FSHR: variants seen among roughly 807,000 people sequenced by gnomAD.
The protein encoded by FSHR is follicle stimulating hormone receptor.
A neutral mutation model predicts 52.1 loss-of-function variants in FSHR; 46 were observed. The observed-to-expected ratio is 0.88, with a 90% CI of 0.70 to 1.13. FSHR has a LOEUF of 1.13. FSHR is among the 50% of genes most tolerant of loss of function. FSHR has a pLI of 0.00. For synonymous variants in FSHR, 399 were observed against 309.6 expected (o/e 1.29, Z -3.03); for missense variants, 964 against 834.6 (o/e 1.16, Z -1.91).
chr2:49,081,716 G>A (rs1390285641), intron 1 of FSHR, among the ~76,000 whole-genome samples: 2 of 152,078 alleles, frequency 1.3e-5, no homozygotes, highest in Non-Finnish European at 2.9e-5. Context: ...CATGATAAAT[G>A]GGGTGGGTGG....
chr2:49,011,298 T>C (rs537009647), intron 4 of FSHR, among the ~76,000 whole-genome samples: 2 of 152,194 alleles, frequency 1.3e-5, no homozygotes, highest in South Asian at 4.2e-4. Context: ...CCACTAGTCA[T>C]TCAGGAGCAG....
intron 2 of FSHR, among the ~76,000 whole-genome samples, chr2:49,064,061 T>TG (rs1669414592): frequency 2.3e-5 from 3 of 129,574 alleles, no homozygotes; most frequent in East Asian, 4.6e-4. Context: ...GCATGAAGAG[T>TG]TTGTGTGTGT....
intron 1 of FSHR, among the ~76,000 whole-genome samples, chr2:49,091,507 G>T (rs1028819537): frequency 6.6e-6 from 1 of 152,094 alleles, no homozygotes; most frequent in Non-Finnish European, 1.5e-5. Flanking sequence ...ATGTTGCCCA[G>T]TCTGGTCTTC....
intron 4 of FSHR, among the ~76,000 whole-genome samples, chr2:49,004,468 T>C (rs896549047): frequency 2.6e-5 from 4 of 152,164 alleles, no homozygotes; most frequent in African/African-American, 9.6e-5. Flanking sequence ...GGGCCCCTCG[T>C]GTGGGGCCTG....
At chr2:49,110,334 T>C (rs1671379367) in intron 1 of FSHR, among the ~76,000 whole-genome samples, 1 of 152,192 alleles carries the variant, frequency 6.6e-6, no homozygotes, top group South Asian at 2.1e-4. Context: ...GATTTAAACA[T>C]GGGCTGTCTG....
chr2:49,123,552 A>G (rs923891436), intron 1 of FSHR, among the ~76,000 whole-genome samples: 1 of 152,222 alleles, frequency 6.6e-6, no homozygotes, highest in African/African-American at 2.4e-5. Flanking sequence ...GGTGATGAAT[A>G]TGTTAATTAG....
chr2:49,026,511 C>T (rs1267634062), intron 2 of FSHR, among the ~76,000 whole-genome samples: 3 of 152,196 alleles, frequency 2.0e-5, no homozygotes, highest in African/African-American at 7.2e-5. Context: ...ATTTCCCCAA[C>T]AGCACACATA....
At chr2:49,075,467 A>C (rs1669916417) in intron 1 of FSHR, among the ~76,000 whole-genome samples, 2 of 152,190 alleles carry the variant, frequency 1.3e-5, no homozygotes, top group Non-Finnish European at 2.9e-5. Flanking sequence ...GCAAAAGCTA[A>C]TTCTTTGGAA....
At chr2:49,085,936 G>A (rs1209938631) in intron 1 of FSHR, among the ~76,000 whole-genome samples, 1 of 151,290 alleles carries the variant, frequency 6.6e-6, no homozygotes, top group East Asian at 1.9e-4. Context: ...GACACAGGGA[G>A]GGGAACATCA....
chr2:49,094,594 C>A (rs1670750839), intron 1 of FSHR, among the ~76,000 whole-genome samples: 1 of 152,038 alleles, frequency 6.6e-6, no homozygotes, highest in African/African-American at 2.4e-5. Flanking sequence ...AATATCTTTT[C>A]ATTTAGAACT....
chr2:48,986,479 A>T (rs1328162979), intron 6 of FSHR, among the ~76,000 whole-genome samples: 1 of 149,998 alleles, frequency 6.7e-6, no homozygotes, highest in Admixed American at 6.7e-5. Context: ...ACTAGAAACG[A>T]TTGGAGACTT....
intron 8 of FSHR, among the ~76,000 whole-genome samples, chr2:48,980,145 AC>A (rs1675181615): frequency 6.6e-6 from 1 of 152,232 alleles, no homozygotes; most frequent in African/African-American, 2.4e-5. Context: ...GTTAAGGTGA[AC>A]AATTCTTTTG....
chr2:48,993,141 A>G (rs548893213), intron 4 of FSHR, among the ~76,000 whole-genome samples: 1 of 151,836 alleles, frequency 6.6e-6, no homozygotes, highest in African/African-American at 2.4e-5. Flanking sequence ...CTATAGTCTC[A>G]CTACATAGAT....
chr2:49,073,743 C>T (rs1180863704), intron 1 of FSHR, among the ~76,000 whole-genome samples: 2 of 151,892 alleles, frequency 1.3e-5, no homozygotes. Flanking sequence ...GCATTCTAAG[C>T]AAAAAGAACA....
Position 48,973,057 on chromosome 2 carries a change from T to G in FSHR, c.669-4174A>C, listed in dbSNP as rs191041761. Among the ~76,000 whole-genome samples, 81 of 152,344 alleles carry G rather than the reference T, an allele frequency of 5.3e-4. 1 individual carries two copies. Among genetic ancestry groups the G allele is most frequent in the African/African-American group, 1.8e-3 (75 of 41,584 alleles). On this transcript the variant is annotated intron_variant, in intron 8 of 9. Transcript: ENST00000406846. ...ACTGTGATGTCTTCGGATAAAAGAA[T>G]ATGATAGAAATGTTGCTATTCATTA...
At chr2:48,983,207 G>T in intron 6 of FSHR, 41 bp from the exon 7 acceptor site, 1 of 1,562,968 alleles carries the variant, frequency 6.4e-7, no homozygotes, top group Non-Finnish European at 8.8e-7. Context: ...AATGTCAGAT[G>T]CAAACAATAC....
intron 1 of FSHR, among the ~76,000 whole-genome samples, chr2:49,127,752 T>TCC (rs796277371): frequency 2.5e-4 from 3 of 11,894 alleles, no homozygotes; most frequent in African/African-American, 7.3e-4. Flanking sequence ...TTCTTCTTCT[T>TCC]TCTTCTTCTT....
chr2:49,075,008 G>T (rs955711592), intron 1 of FSHR, among the ~76,000 whole-genome samples: 2 of 152,076 alleles, frequency 1.3e-5, no homozygotes, highest in Non-Finnish European at 2.9e-5. Flanking sequence ...GACGTAAAAA[G>T]TATAACAGAG....
At chr2:49,064,733 A>T (rs1276908309) in intron 2 of FSHR, among the ~76,000 whole-genome samples, 7 of 152,278 alleles carry the variant, frequency 4.6e-5, no homozygotes, top group African/African-American at 1.2e-4. Flanking sequence ...CGACGTTTCT[A>T]CATTGTGATC....
Sources: gnomAD v4.1 joint callset for allele counts (sites outside exome capture counted in the v4.1 genomes callset) on GRCh38, gnomAD v4.1.1 for gene constraint, MANE v1.5 for transcripts, NCBI Gene and HGNC (gene_info 2026-07-23, HGNC 2026-07-21) for gene names.